Variants in HSPA4L observed in about 807,000 individuals in gnomAD.
HSPA4L encodes the protein heat shock protein family A (Hsp70) member 4 like.
A neutral mutation model predicts 100.3 loss-of-function variants in HSPA4L; 48 were observed. The observed-to-expected ratio is 0.48, with a 90% CI of 0.38 to 0.61. The LOEUF (loss-of-function observed/expected upper bound fraction) is 0.61. Ranked by LOEUF, HSPA4L falls within the 20% of genes least tolerant of loss-of-function variation. HSPA4L has a pLI of 0.00. For missense variants in HSPA4L, 886 were observed against 988.6 expected (o/e 0.90, Z 1.39); for synonymous variants, 319 against 328.2 (o/e 0.97, Z 0.30).
chr4:127,786,726 C>T (rs1732729108), intron 1 of HSPA4L, among the ~76,000 whole-genome samples: 1 of 152,340 alleles, frequency 6.6e-6, no homozygotes, highest in Non-Finnish European at 1.5e-5. Flanking sequence ...CTTGGCCTCC[C>T]AAAGTGCTGG....
intron 12 of HSPA4L, among the ~76,000 whole-genome samples, chr4:127,814,724 G>C (rs191508369): frequency 4.9e-4 from 75 of 152,104 alleles, no homozygotes; most frequent in African/African-American, 1.6e-3. Flanking sequence ...ACGCCACCAC[G>C]CCTGGCAGAT....
At chr4:127,791,487 T>C (rs1179731255) in intron 1 of HSPA4L, among the ~76,000 whole-genome samples, 1 of 152,214 alleles carries the variant, frequency 6.6e-6, no homozygotes, top group Non-Finnish European at 1.5e-5. Flanking sequence ...TAAGCACATC[T>C]CAATTCAGAC....
rs974994609 is a variant in HSPA4L, at chr4:127,789,473, T to C, written c.108-4604T>C. Among the ~76,000 whole-genome samples the C allele has an allele frequency of 1.4e-4, 21 of 151,864 alleles. No homozygotes were observed. In the East Asian group the frequency reaches 2.1e-3, roughly 15 times the overall value. ...CATCCTGGCTAACATGGTGAAACCC[T>C]GTCTCTACTAAAAATACAAAAAAAA... On this transcript the variant is annotated intron_variant, in intron 1 of 18. Coordinates refer to ENST00000296464, the MANE Select transcript of HSPA4L (RefSeq NM_014278.4).
Position 127,840,090 on chromosome 4 carries a change from G to C in HSPA4L, c.*7216G>C, listed in dbSNP as rs1161218386. The C allele has an allele frequency of 6.6e-6, 1 of 152,118 alleles. No individual in the cohort carries two copies. The highest frequency in any genetic ancestry group is 2.4e-5 in the African/African-American group (1 of 41,406). 9.4% of individuals were successfully genotyped at this position (152,118 alleles called of 1,614,324 possible). Reference sequence around the variant, plus strand: ...CAAAAATTAGCGGGGCCATGGTGACGTGCACCTGTAATCCCAGCTACTCGG... The same window carrying C: ...CAAAAATTAGCGGGGCCATGGTGACCTGCACCTGTAATCCCAGCTACTCGG... On this transcript the variant is annotated 3_prime_UTR_variant, in exon 19 of 19. Coordinates refer to ENST00000296464, the MANE Select transcript of HSPA4L (RefSeq NM_014278.4).
intron 1 of HSPA4L, among the ~76,000 whole-genome samples, chr4:127,786,797 G>A (rs561104040): frequency 1.2e-4 from 18 of 152,298 alleles, no homozygotes; most frequent in African/African-American, 3.9e-4. Context: ...TTAAGGACAT[G>A]TAAAAATCTT....
intron 3 of HSPA4L, among the ~76,000 whole-genome samples, chr4:127,797,670 C>T (rs144887312): frequency 4.7e-4 from 70 of 147,840 alleles, no homozygotes; most frequent in South Asian, 1.7e-3. Flanking sequence ...GGCGCAATCT[C>T]GGCTCACTGC....
intron 2 of HSPA4L, 137 bp from the exon 3 acceptor site, chr4:127,795,631 G>GA (rs1471638898): frequency 2.5e-5 from 21 of 831,834 alleles, no homozygotes; most frequent in African/African-American, 8.6e-5. Flanking sequence ...TTGGAAACCA[G>GA]AAAAAATGAA....
intron 4 of HSPA4L, among the ~76,000 whole-genome samples, chr4:127,799,230 T>C (rs1004552273): frequency 6.6e-6 from 1 of 152,166 alleles, no homozygotes; most frequent in Non-Finnish European, 1.5e-5. Flanking sequence ...AAGAGTCTTA[T>C]GTCATCAGAA....
intron 1 of HSPA4L, among the ~76,000 whole-genome samples, chr4:127,785,439 T>C (rs891536352): frequency 2.0e-5 from 3 of 152,022 alleles, no homozygotes; most frequent in Non-Finnish European, 4.4e-5. Flanking sequence ...CTTTTTCTTT[T>C]TTTCTTTTTT....
Position 127,804,054 on chromosome 4 carries a change from G to C in HSPA4L, c.952G>C (p.Glu318Gln). Residue 318 changes from glutamate (E) to glutamine (Q), a missense_variant, in exon 8 of 19, where the codon GAA (glutamate) becomes CAA (glutamine). Transcript: ENST00000296464. ...GTGTGCTTCCCTTTTGGCCAGGGTT[G>C]AACCACCTTTAAAAGCAGTAATGGA... Reference protein sequence around the residue: ...QLCASLLARVEPPLKAVMEQA... With the variant: ...QLCASLLARVQPPLKAVMEQA... 1 of 1,614,032 alleles carries C rather than the reference G, an allele frequency of 6.2e-7. No individual in the cohort carries two copies. Among genetic ancestry groups the C allele is most frequent in the Non-Finnish European group, 8.5e-7 (1 of 1,179,962 alleles).
intron 3 of HSPA4L, among the ~76,000 whole-genome samples, chr4:127,797,970 G>C (rs1284980614): frequency 6.6e-6 from 1 of 152,020 alleles, no homozygotes; most frequent in Admixed American, 6.6e-5. Flanking sequence ...CTGTTTGCTT[G>C]ATTTCTTTAT....
chr4:127,801,246 T>C lies in HSPA4L; in HGVS notation c.529+9T>C. ...GAATGAAACTACTGCAGGTGAGCACTTTGCAATTTGAAAATCACTATAAGC... is the reference window on the plus strand; with the variant it reads ...GAATGAAACTACTGCAGGTGAGCACCTTGCAATTTGAAAATCACTATAAGC... On this transcript the variant is annotated intron_variant, in intron 5 of 18. Coordinates refer to ENST00000296464, the MANE Select transcript of HSPA4L (RefSeq NM_014278.4). The C allele has an allele frequency of 6.3e-7, 1 of 1,577,914 alleles. No homozygotes were observed. Among genetic ancestry groups the C allele is most frequent in the South Asian group, 1.2e-5 (1 of 86,776 alleles).
chr4:127,813,584 C>T (rs1396292277), intron 12 of HSPA4L: 1 of 182,890 alleles, frequency 5.5e-6, no homozygotes, highest in African/African-American at 2.4e-5. Flanking sequence ...TTTATTTTTA[C>T]TGAAATTGAA....
Position 127,782,669 on chromosome 4 carries a change from T to C in HSPA4L, c.107+12T>C. 6.3e-7 allele frequency: 1 copy of C among 1,578,998 alleles called. No individual in the cohort carries two copies. Among genetic ancestry groups the C allele is most frequent in the Non-Finnish European group, 8.7e-7 (1 of 1,153,056 alleles). On this transcript the variant is annotated intron_variant, in intron 1 of 18. Transcript: ENST00000296464. The stretch of plus-strand genomic sequence containing the variant: ...GACAGGTGTACCCCGTAAGTGCCTC[T>C]GCTGAGCATCACCTCGACCCTAAGA...
Position 127,834,967 on chromosome 4 carries a change from A to G in HSPA4L, c.*2093A>G, listed in dbSNP as rs1304324848. On this transcript the variant is annotated 3_prime_UTR_variant, in exon 19 of 19. Coordinates refer to ENST00000296464, the MANE Select transcript of HSPA4L (RefSeq NM_014278.4). Reference sequence around the variant, plus strand: ...ATAACTTATATACATCCAAATATATATACTTTTTCTACCCAATTATTCAAC... The same window carrying G: ...ATAACTTATATACATCCAAATATATGTACTTTTTCTACCCAATTATTCAAC... The G allele has an allele frequency of 6.6e-6, 1 of 152,210 alleles. No individual in the cohort carries two copies. Among genetic ancestry groups the G allele is most frequent in the Non-Finnish European group, 1.5e-5 (1 of 68,034 alleles). The allele number at this position is 152,210 out of a possible 1,614,324, so 9.4% of individuals were successfully genotyped here.
At chr4:127,801,090 A>C in intron 4 of HSPA4L, 48 bp from the exon 5 acceptor site, 1 of 1,386,780 alleles carries the variant, frequency 7.2e-7, no homozygotes, top group Non-Finnish European at 1.0e-6. Context: ...TCAGTTGACA[A>C]AATGTTTACA....
At chr4:127,792,965 G>A (rs1336451504) in intron 1 of HSPA4L, among the ~76,000 whole-genome samples, 1 of 152,194 alleles carries the variant, frequency 6.6e-6, no homozygotes, top group Non-Finnish European at 1.5e-5. Flanking sequence ...TCTAGAAATA[G>A]CAAGGAGACC....
At chr4:127,817,069 AT>A (rs1257659655) in intron 12 of HSPA4L, among the ~76,000 whole-genome samples, 1 of 151,470 alleles carries the variant, frequency 6.6e-6, no homozygotes, top group Admixed American at 6.6e-5. Flanking sequence ...AAAATAATTG[AT>A]TTTTTTTTAA....
At chr4:127,827,259 T>G (rs1225530321) in intron 16 of HSPA4L, 46 bp from the exon 17 acceptor site, 1 of 1,569,768 alleles carries the variant, frequency 6.4e-7, no homozygotes, top group Non-Finnish European at 8.7e-7. Flanking sequence ...AGTTTTCTGT[T>G]AAAACTCAAA....
Sources: gnomAD v4.1 joint callset for allele counts (sites outside exome capture counted in the v4.1 genomes callset) on GRCh38, gnomAD v4.1.1 for gene constraint, MANE v1.5 for transcripts, NCBI Gene and HGNC (gene_info 2026-07-23, HGNC 2026-07-21) for gene names.